LRP1B: variants seen among roughly 807,000 people sequenced by gnomAD.
LRP1B encodes LDL receptor related protein 1B.
In LRP1B, 217 loss-of-function variants were observed where a neutral mutation model predicts 556.6. The observed-to-expected ratio is 0.39, with a 90% CI of 0.35 to 0.44. The LOEUF (loss-of-function observed/expected upper bound fraction) is 0.44. Among genes scored for constraint, LRP1B ranks in the 20% least tolerant of loss-of-function variants. LRP1B has a pLI of 1.00. For synonymous variants in LRP1B, 2,047 were observed against 1,865.8 expected, an observed-to-expected ratio of 1.10 and a Z score of -2.50; for missense variants, 5,053 against 5,620.8, an observed-to-expected ratio of 0.90 and a Z score of 3.23.
At chr2:141,612,969 A>ATT (rs397713874) in intron 2 of LRP1B, among the ~76,000 whole-genome samples, 33 of 144,446 alleles carry the variant, frequency 2.3e-4, no homozygotes, top group African/African-American at 7.3e-4. Context: ...CACCCAGCTA[A>ATT]TTTTTTTTTT....
At chr2:141,862,678 A>G (rs1464984824) in intron 1 of LRP1B, among the ~76,000 whole-genome samples, 2 of 152,234 alleles carry the variant, frequency 1.3e-5, no homozygotes, top group Non-Finnish European at 2.9e-5. Context: ...AAGTGCTGGG[A>G]TTACAGGCAT....
At chr2:141,549,987 C>G (rs1685691746) in intron 2 of LRP1B, among the ~76,000 whole-genome samples, 1 of 152,066 alleles carries the variant, frequency 6.6e-6, no homozygotes, top group African/African-American at 2.4e-5. Flanking sequence ...AGAGCAAGAC[C>G]CTGTCTCGGA....
At chr2:141,363,567 A>G (rs1688914390) in intron 3 of LRP1B, among the ~76,000 whole-genome samples, 1 of 152,172 alleles carries the variant, frequency 6.6e-6, no homozygotes, top group African/African-American at 2.4e-5. Flanking sequence ...CAACAAAAAT[A>G]TTTAGAGTAA....
At chr2:141,628,481 T>C (rs949417233) in intron 2 of LRP1B, among the ~76,000 whole-genome samples, 1 of 152,090 alleles carries the variant, frequency 6.6e-6, no homozygotes, top group African/African-American at 2.4e-5. Context: ...GAGCTGATGC[T>C]TTTAACAAAA....
chr2:141,398,999 T>G (rs1025103781), intron 3 of LRP1B, among the ~76,000 whole-genome samples: 1 of 152,212 alleles, frequency 6.6e-6, no homozygotes, highest in African/African-American at 2.4e-5. Context: ...CTTATGCCTG[T>G]AATCCCAGCA....
At chr2:140,645,988 T>C (rs991641772) in intron 41 of LRP1B, among the ~76,000 whole-genome samples, 1 of 152,136 alleles carries the variant, frequency 6.6e-6, no homozygotes, top group Non-Finnish European at 1.5e-5. Flanking sequence ...TGTATACTAT[T>C]TATAATTATA....
intron 29 of LRP1B, 36 bp downstream of exon 29, chr2:140,850,066 A>G: frequency 7.7e-7 from 1 of 1,299,038 alleles, no homozygotes; most frequent in Non-Finnish European, 1.1e-6. Flanking sequence ...TGAATAACAA[A>G]CACTTTTAAA....
intron 41 of LRP1B, among the ~76,000 whole-genome samples, chr2:140,659,766 C>A (rs1376269690): frequency 6.6e-6 from 1 of 151,902 alleles, no homozygotes. Context: ...AATGCATGAT[C>A]AAAGCCAAAA....
At chr2:141,754,438 A>G (rs1408708366) in intron 2 of LRP1B, among the ~76,000 whole-genome samples, 3 of 152,180 alleles carry the variant, frequency 2.0e-5, no homozygotes, top group African/African-American at 7.2e-5. Context: ...GAATGGATTG[A>G]TATCTAGACA....
chr2:141,534,259 A>T (rs1478706525), intron 2 of LRP1B, among the ~76,000 whole-genome samples: 1 of 152,178 alleles, frequency 6.6e-6, no homozygotes, highest in African/African-American at 2.4e-5. Flanking sequence ...TACGAAATGA[A>T]AATAAAATTG....
chr2:140,797,729 T>G (rs943725366), intron 32 of LRP1B, among the ~76,000 whole-genome samples: 2 of 152,190 alleles, frequency 1.3e-5, no homozygotes, highest in African/African-American at 4.8e-5. Flanking sequence ...ATATGAAACA[T>G]AAGCTATTTT....
chr2:141,148,460 G>GCCA (rs1701839326), intron 7 of LRP1B, among the ~76,000 whole-genome samples: 1 of 152,120 alleles, frequency 6.6e-6, no homozygotes, highest in African/African-American at 2.4e-5. Flanking sequence ...CTTAGGAGAA[G>GCCA]CCACGTGGAG....
At chr2:140,788,673 C>T (rs16844694) in intron 32 of LRP1B, among the ~76,000 whole-genome samples, 1 of 152,296 alleles carries the variant, frequency 6.6e-6, no homozygotes, top group South Asian at 2.1e-4. Context: ...AATCATTTCT[C>T]TCTTTGCTAA....
intron 1 of LRP1B, among the ~76,000 whole-genome samples, chr2:141,916,433 C>T (rs1033921423): frequency 3.3e-5 from 5 of 151,786 alleles, no homozygotes; most frequent in Non-Finnish European, 2.9e-5. Flanking sequence ...GGCACAATCT[C>T]GGCTCACTGC....
intron 7 of LRP1B, among the ~76,000 whole-genome samples, chr2:141,166,278 C>T (rs538171610): frequency 6.6e-6 from 1 of 151,850 alleles, no homozygotes; most frequent in East Asian, 1.9e-4. Flanking sequence ...ACTTTCCTTC[C>T]CATCGTTTTA....
intron 7 of LRP1B, among the ~76,000 whole-genome samples, chr2:141,140,996 ATCTC>A (rs905785176): frequency 6.6e-6 from 1 of 152,162 alleles, no homozygotes; most frequent in African/African-American, 2.4e-5. Context: ...AGAGCAATCA[ATCTC>A]TCTCTCACAG....
chr2:140,954,588 G>T (rs1476902604), intron 18 of LRP1B, among the ~76,000 whole-genome samples: 1 of 151,820 alleles, frequency 6.6e-6, no homozygotes, highest in Non-Finnish European at 1.5e-5. Flanking sequence ...ATTTCCAACT[G>T]TTAGATTTTA....
intron 1 of LRP1B, among the ~76,000 whole-genome samples, chr2:141,821,284 G>T (rs1696743880): frequency 6.6e-6 from 1 of 152,212 alleles, no homozygotes; most frequent in South Asian, 2.1e-4. Context: ...CAATTTCCCA[G>T]TTTCATGTCA....
At chr2:141,706,940 T>C (rs986249511) in intron 2 of LRP1B, among the ~76,000 whole-genome samples, 2 of 152,160 alleles carry the variant, frequency 1.3e-5, no homozygotes, top group African/African-American at 4.8e-5. Flanking sequence ...CCAGAACTTT[T>C]ATCAGCCAAG....
Sources: gnomAD v4.1 joint callset for allele counts (sites outside exome capture counted in the v4.1 genomes callset) on GRCh38, gnomAD v4.1.1 for gene constraint, MANE v1.5 for transcripts, NCBI Gene and HGNC (gene_info 2026-07-23, HGNC 2026-07-21) for gene names.